The following STXBP5L variants were observed in gnomAD, a reference collection of about 807,000 sequenced individuals.
The protein encoded by STXBP5L is syntaxin-binding protein 5-like.
Under a neutral mutation model 144.5 loss-of-function variants are expected in STXBP5L, and 65 were observed. The ratio of observed to expected loss-of-function variants is 0.45; its 90% CI spans 0.37 to 0.55. The LOEUF is 0.55. Ranked by LOEUF, STXBP5L falls within the 20% of genes least tolerant of loss-of-function variation. The probability of loss-of-function intolerance (pLI) is 0.00; values close to 1 mark genes in which losing one functional copy is unlikely to be tolerated. For missense variants in STXBP5L, 1,298 were observed against 1,405.5 expected (o/e 0.92, Z 1.22); for synonymous variants, 505 against 469.6 (o/e 1.08, Z -0.97).
At chr3:121,317,175 G>A (rs904327796) in intron 19 of STXBP5L, among the ~76,000 whole-genome samples, 1 of 152,068 alleles carries the variant, frequency 6.6e-6, no homozygotes, top group African/African-American at 2.4e-5. Context: ...ATTTAAAATT[G>A]GATGAGCATT....
At chr3:121,196,302 T>A (rs1283776283) in intron 9 of STXBP5L, among the ~76,000 whole-genome samples, 2 of 150,526 alleles carry the variant, frequency 1.3e-5, no homozygotes, top group African/African-American at 4.9e-5. Context: ...GCCTGGCTAA[T>A]TTTTTTTTGT....
intron 2 of STXBP5L, among the ~76,000 whole-genome samples, chr3:120,948,533 G>A (rs1370496544): frequency 6.6e-6 from 1 of 151,788 alleles, no homozygotes; most frequent in Non-Finnish European, 1.5e-5. Flanking sequence ...TACCCAATGT[G>A]TAGTTTTTAA....
intron 9 of STXBP5L, among the ~76,000 whole-genome samples, chr3:121,166,515 G>T (rs2108039955): frequency 6.6e-6 from 1 of 152,152 alleles, no homozygotes. Flanking sequence ...TTCATAATTT[G>T]CAAATCTAAT....
chr3:121,222,953 G>A (rs774824549), intron 10 of STXBP5L, 50 bp from the exon 11 acceptor site: 52 of 1,545,074 alleles, frequency 3.4e-5, no homozygotes, highest in Non-Finnish European at 4.3e-5. Flanking sequence ...CTGTGACTTT[G>A]TGTCATTTTA....
At chr3:121,225,521 A>C (rs2049095547) in intron 11 of STXBP5L, among the ~76,000 whole-genome samples, 1 of 152,080 alleles carries the variant, frequency 6.6e-6, no homozygotes. Context: ...GGCCAATGGG[A>C]CAAGCAGAAA....
chr3:121,030,668 T>TAA (rs1946302823), intron 3 of STXBP5L, among the ~76,000 whole-genome samples: 1 of 151,996 alleles, frequency 6.6e-6, no homozygotes, highest in Non-Finnish European at 1.5e-5. Context: ...TCCCAGTACT[T>TAA]AAAGTATAAA....
intron 5 of STXBP5L, among the ~76,000 whole-genome samples, chr3:121,105,515 T>C (rs1461495557): frequency 6.6e-6 from 1 of 152,168 alleles, no homozygotes; most frequent in Non-Finnish European, 1.5e-5. Context: ...GATGCCACCT[T>C]ACTCCTGCAA....
chr3:121,030,686 T>G, intron 3 of STXBP5L, among the ~76,000 whole-genome samples: 1 of 151,918 alleles, frequency 6.6e-6, no homozygotes, highest in East Asian at 1.9e-4. Flanking sequence ...AAAAAACATA[T>G]AAATTCCCAG....
chr3:121,423,169 T>C lies in STXBP5L; in HGVS notation c.*4072T>C, dbSNP rs1489537287. The C allele has an allele frequency of 6.6e-6, 1 of 152,160 alleles. No homozygotes were observed. The highest frequency in any genetic ancestry group is 1.5e-5 in the Non-Finnish European group (1 of 68,040). 9.4% of individuals were successfully genotyped at this position (152,160 alleles called of 1,614,324 possible). ...AAGAAGTCAAAACATTCATATCAGG[T>C]CTTGGTATCTGTGTCAGGAGAAACG... On this transcript the variant is annotated 3_prime_UTR_variant, in exon 27 of 27. Transcript: ENST00000471454.
chr3:121,188,190 T>C (rs1247789769), intron 9 of STXBP5L, among the ~76,000 whole-genome samples: 1 of 152,118 alleles, frequency 6.6e-6, no homozygotes, highest in Non-Finnish European at 1.5e-5. Context: ...GTGGACCTAA[T>C]AGACATCTAC....
At chr3:121,161,246 TTTTTTTGCTTTCC>T (rs1395538982) in intron 9 of STXBP5L, among the ~76,000 whole-genome samples, 1 of 151,708 alleles carries the variant, frequency 6.6e-6, no homozygotes, top group Non-Finnish European at 1.5e-5. Flanking sequence ...TTTGCTTTTT[TTTTTTTGCTTTCC>T]TTTTTTGGAG....
intron 5 of STXBP5L, among the ~76,000 whole-genome samples, chr3:121,102,767 C>G (rs542631028): frequency 6.6e-6 from 1 of 152,030 alleles, no homozygotes; most frequent in South Asian, 2.1e-4. Context: ...AACAGATATA[C>G]TACAGAATGG....
intron 14 of STXBP5L, among the ~76,000 whole-genome samples, chr3:121,250,446 C>T (rs1260238917): frequency 1.3e-5 from 2 of 151,964 alleles, no homozygotes; most frequent in Non-Finnish European, 2.9e-5. Context: ...TCACTTTCCA[C>T]AGGCCATTTT....
chr3:120,968,373 T>A (rs1336624005), intron 3 of STXBP5L, among the ~76,000 whole-genome samples: 1 of 152,218 alleles, frequency 6.6e-6, no homozygotes, highest in Non-Finnish European at 1.5e-5. Context: ...TATCTTTTTT[T>A]ATCATTCTTG....
At chr3:121,039,698 T>A (rs1947011947) in intron 3 of STXBP5L, among the ~76,000 whole-genome samples, 1 of 151,884 alleles carries the variant, frequency 6.6e-6, no homozygotes, top group Non-Finnish European at 1.5e-5. Context: ...TGAAGAAAAC[T>A]TAATTTTGGT....
At position 121,255,049 on chromosome 3, in the gene STXBP5L, A is replaced by G. The variant is rs776982340; in HGVS notation, c.1596A>G (p.Ser532=). The stretch of plus-strand genomic sequence containing the variant: ...CAGAGAGCAGAATATTCTGTGTATC[A>G]GGAGTCTCTGCATATGTCATAATTT... ...WCPESRIFCV[S]GVSAYVIIYK... Residue 532 remains serine (S), a synonymous_variant, in exon 16 of 27, where the codon TCA becomes TCG. Transcript: ENST00000471454. 5 of 1,613,298 alleles carry G rather than the reference A, an allele frequency of 3.1e-6. No individual in the cohort carries two copies. The East Asian group carries it at 1.1e-4, about 36-fold the overall frequency.
chr3:120,909,199 G>A (rs1230712316), intron 1 of STXBP5L: 2 of 170,988 alleles, frequency 1.2e-5, no homozygotes, highest in Non-Finnish European at 1.2e-5. Flanking sequence ...TTGGTCTGTT[G>A]AACTCTGGTT....
At chr3:121,312,025 C>G (rs2043547877) in intron 19 of STXBP5L, among the ~76,000 whole-genome samples, 1 of 152,122 alleles carries the variant, frequency 6.6e-6, no homozygotes, top group Non-Finnish European at 1.5e-5. Flanking sequence ...ACAGAGCCCT[C>G]AGAAATAACG....
intron 9 of STXBP5L, 177 bp downstream of exon 9, chr3:121,157,804 T>C: frequency 1.3e-6 from 1 of 772,082 alleles, no homozygotes; most frequent in Non-Finnish European, 1.9e-6. Flanking sequence ...CTTTCCATAC[T>C]TCCCTTCTTC....
Sources: allele counts gnomAD v4.1 joint callset (sites outside exome capture counted in the v4.1 genomes callset), GRCh38; gene constraint gnomAD v4.1.1; transcripts MANE v1.5; gene names NCBI Gene and HGNC (gene_info 2026-07-23, HGNC 2026-07-21).